The following MYO5A variants were observed in gnomAD, a reference collection of about 807,000 sequenced individuals.
The protein encoded by MYO5A is myosin VA, also known as unconventional myosin-Va.
Under a neutral mutation model 249.7 loss-of-function variants are expected in MYO5A, and 98 were observed. The observed-to-expected ratio is 0.39, with a 90% CI of 0.33 to 0.46. MYO5A has a LOEUF of 0.46. Among genes scored for constraint, MYO5A ranks in the 20% least tolerant of loss-of-function variants. The pLI is 0.98. For synonymous variants in MYO5A, 778 were observed against 810.6 expected, an observed-to-expected ratio of 0.96 and a Z score of 0.68; for missense variants, 1,696 against 2,308.8, an observed-to-expected ratio of 0.73 and a Z score of 5.44.
intron 1 of MYO5A, among the ~76,000 whole-genome samples, chr15:52,496,449 G>C (rs1392946707): frequency 2.0e-5 from 3 of 152,294 alleles, no homozygotes; most frequent in Non-Finnish European, 4.4e-5. Context: ...GCCACTCCTG[G>C]TCCAGTCCCT....
chr15:52,390,604 G>A (rs1221356419), intron 12 of MYO5A, among the ~76,000 whole-genome samples: 2 of 140,128 alleles, frequency 1.4e-5, no homozygotes, highest in East Asian at 4.1e-4. Flanking sequence ...TTTTCACCCA[G>A]GCTGGAGTGC....
intron 22 of MYO5A, among the ~76,000 whole-genome samples, chr15:52,369,503 A>G (rs1460915017): frequency 6.6e-6 from 1 of 152,198 alleles, no homozygotes; most frequent in African/African-American, 2.4e-5. Flanking sequence ...GCGTGCAAGT[A>G]CTGGTCAATC....
intron 1 of MYO5A, among the ~76,000 whole-genome samples, chr15:52,448,291 T>C (rs1389091563): frequency 6.6e-6 from 1 of 152,208 alleles, no homozygotes; most frequent in Non-Finnish European, 1.5e-5. Flanking sequence ...CCTGCTGGGA[T>C]TTAATGACTG....
intron 1 of MYO5A, among the ~76,000 whole-genome samples, chr15:52,513,160 G>A (rs1320275398): frequency 2.6e-5 from 4 of 151,856 alleles, no homozygotes; most frequent in African/African-American, 9.7e-5. Context: ...GCCGGGTGCG[G>A]TGGCTCACAC....
At position 52,310,393 on chromosome 15, in the gene MYO5A, G is replaced by A. The variant is rs146751087; in HGVS notation, c.*3303C>T. ...TCAGCTTCAAGTTGTAAGGGTGTGA[G>A]GTGAGTCTGCATGTAGTAAGGTGAA... On this transcript the variant is annotated 3_prime_UTR_variant, in exon 42 of 42. Coordinates refer to ENST00000399233, the MANE Select transcript of MYO5A (RefSeq NM_001382347.1). 5 of 152,354 alleles carry A rather than the reference G, an allele frequency of 3.3e-5. No homozygotes were observed. In the East Asian group the frequency reaches 9.6e-4, roughly 29 times the overall value. 9.4% of individuals were successfully genotyped at this position (152,354 alleles called of 1,614,324 possible). A position where few individuals can be genotyped will look rare whatever the true frequency, so the allele number is the denominator to read the frequency against.
In MYO5A at chr15:52,356,818, T is replaced by A. The variant is rs1049798136; in HGVS notation, c.3424-2804A>T. 2.7e-4 allele frequency among the ~76,000 whole-genome samples: 32 copies of A among 119,948 alleles called. 1 individual carries two copies. The highest frequency in any genetic ancestry group is 7.3e-4 in the African/African-American group (25 of 34,250). The allele number at this position is 119,948 out of a possible 152,430, so 78.7% of individuals were successfully genotyped here. On this transcript the variant is annotated intron_variant, in intron 25 of 41. Transcript: ENST00000399233. ...TCTTTGACTTTTTTTTTTTTTTTTT[T>A]ATTTTCAGGAATTGTATATTAATTA...
chr15:52,375,421 G>A lies in MYO5A; in HGVS notation c.2460C>T (p.Ile820=), dbSNP rs2041358987. The A allele has an allele frequency of 1.2e-6, 2 of 1,614,158 alleles. No individual in the cohort carries two copies. Among genetic ancestry groups the A allele is most frequent in the Non-Finnish European group, 1.7e-6 (2 of 1,180,012 alleles). The part of the protein sequence containing the change: ...KFLRRTKAAT[I]IQKYWRMYVV... The stretch of plus-strand genomic sequence containing the variant: ...CATACATGCGCCAGTACTTTTGAAT[G>A]ATGGTTGCTGCCTTGGTTCTGCGCA... Residue 820 remains isoleucine (I), a synonymous_variant, in exon 20 of 42, where the codon ATC becomes ATT. Transcript: ENST00000399233.
At chr15:52,479,391 C>T (rs563883239) in intron 1 of MYO5A, among the ~76,000 whole-genome samples, 5 of 151,626 alleles carry the variant, frequency 3.3e-5, no homozygotes, top group East Asian at 3.9e-4. Flanking sequence ...TTATTTTTTT[C>T]GATATTTCTA....
chr15:52,518,591 G>A (rs2077545373), intron 1 of MYO5A, among the ~76,000 whole-genome samples: 1 of 152,152 alleles, frequency 6.6e-6, no homozygotes, highest in African/African-American at 2.4e-5. Context: ...CTAAGCTTAA[G>A]CATAGAGAGA....
At chr15:52,465,907 GAGA>G (rs1417001296) in intron 1 of MYO5A, among the ~76,000 whole-genome samples, 3 of 152,000 alleles carry the variant, frequency 2.0e-5, no homozygotes, top group South Asian at 2.1e-4. Context: ...TCCAAAATCT[GAGA>G]AGAAGGAAGG....
chr15:52,484,046 G>C (rs7168981), intron 1 of MYO5A, among the ~76,000 whole-genome samples: 9,801 of 152,176 alleles, frequency 0.064, 947 homozygotes, highest in African/African-American at 0.21. Context: ...CATTTGTTAG[G>C]GGGCACTGGA....
Position 52,308,107 on chromosome 15 carries a change from T to TA in MYO5A, c.*5588dup. ...CTGAATTATATATACCAGTTTCAAC[T>TA]AAAAAACAACATTTTTTCTTTCAAA... On this transcript the variant is annotated 3_prime_UTR_variant, in exon 42 of 42. Coordinates refer to ENST00000399233, the MANE Select transcript of MYO5A (RefSeq NM_001382347.1). The TA allele has an allele frequency of 6.6e-6, 1 of 152,184 alleles. No homozygotes were observed. 9.4% of individuals were successfully genotyped at this position (152,184 alleles called of 1,614,324 possible). A position where few individuals can be genotyped will look rare whatever the true frequency, so the allele number is the denominator to read the frequency against.
intron 12 of MYO5A, among the ~76,000 whole-genome samples, chr15:52,389,742 C>T (rs1183201142): frequency 1.3e-5 from 2 of 152,132 alleles, no homozygotes; most frequent in Non-Finnish European, 2.9e-5. Flanking sequence ...CACCTGAGGT[C>T]AGGAGTTCGA....
intron 1 of MYO5A, among the ~76,000 whole-genome samples, chr15:52,526,429 T>C (rs1018057532): frequency 1.1e-4 from 16 of 152,136 alleles, no homozygotes; most frequent in African/African-American, 3.9e-4. Context: ...GCTCGCGATC[T>C]TGGTTCACTG....
chr15:52,490,866 T>C (rs935720325), intron 1 of MYO5A, among the ~76,000 whole-genome samples: 4 of 151,986 alleles, frequency 2.6e-5, no homozygotes, highest in Non-Finnish European at 5.9e-5. Context: ...TAACTAGAGG[T>C]GCAGCCACCA....
intron 1 of MYO5A, among the ~76,000 whole-genome samples, chr15:52,516,854 C>G (rs1181546531): frequency 1.3e-5 from 2 of 152,134 alleles, no homozygotes; most frequent in African/African-American, 4.8e-5. Context: ...AATTTTCAAA[C>G]TAAAATTATA....
chr15:52,400,919 C>T (rs1048416884), intron 9 of MYO5A, among the ~76,000 whole-genome samples: 14 of 152,108 alleles, frequency 9.2e-5, no homozygotes, highest in African/African-American at 3.4e-4. Context: ...CAAATTTTAT[C>T]TACATTTGCC....
At chr15:52,470,394 G>A (rs2076436244) in intron 1 of MYO5A, among the ~76,000 whole-genome samples, 1 of 152,204 alleles carries the variant, frequency 6.6e-6, no homozygotes, top group African/African-American at 2.4e-5. Flanking sequence ...GCTCACGCCT[G>A]TAAAACCAGC....
rs570069374 is a variant in MYO5A at position 52,460,001 on chromosome 15, C to T, written c.28-26716G>A. Reference sequence around the variant, plus strand: ...GGCGGGGCAGAGACACTCCTCAGTTCCCAGACGGGGTCGCGGCCGGGCAGA... The same window carrying T: ...GGCGGGGCAGAGACACTCCTCAGTTTCCAGACGGGGTCGCGGCCGGGCAGA... On this transcript the variant is annotated intron_variant, in intron 1 of 41. Transcript: ENST00000399233. Among the ~76,000 whole-genome samples, 13 of 152,174 alleles carry T rather than the reference C, an allele frequency of 8.5e-5. 1 individual carries two copies. The Middle Eastern group carries it at 0.01, about 119-fold the overall frequency.
Sources: allele counts gnomAD v4.1 joint callset (sites outside exome capture counted in the v4.1 genomes callset), GRCh38; gene constraint gnomAD v4.1.1; transcripts MANE v1.5; gene names NCBI Gene and HGNC (gene_info 2026-07-23, HGNC 2026-07-21).